Variants in STEEP1 observed in about 807,000 individuals in gnomAD.
STEEP1 encodes the protein STING ER exit protein.
In STEEP1, 3 loss-of-function variants were observed where a neutral mutation model predicts 19.2. That is an observed-to-expected ratio of 0.16 (90% CI 0.07 to 0.40). STEEP1 has a LOEUF of 0.40. Ranked by LOEUF, STEEP1 falls within the 10% of genes least tolerant of loss-of-function variation. The pLI is 0.99. For missense variants in STEEP1, 54 were observed against 177.1 expected, an observed-to-expected ratio of 0.30 and a Z score of 3.94; for synonymous variants, 46 against 63.7, an observed-to-expected ratio of 0.72 and a Z score of 1.32.
intron 2 of STEEP1, among the ~76,000 whole-genome samples, chrX:119,557,485 AAAAAAAAAAAGAAAAAAGAAAAAAG>A (rs2147357777): frequency 1.7e-5 from 1 of 59,369 alleles, no homozygotes; most frequent in Admixed American, 2.3e-4. Context: ...TCTCAAAAAA[AAAAAAAAAAAGAAAAAAGAAAAAAG>A]AAAAAAAAAT....
Position 119,541,698 on chromosome X carries a change from G to A in STEEP1, c.514-278C>T, listed in dbSNP as rs564538919. Among the ~76,000 whole-genome samples the A allele has an allele frequency of 1.9e-4, 21 of 111,835 alleles. No individual in the cohort carries two copies. In the Admixed American group the frequency reaches 2.0e-3, roughly 11 times the overall value. On this transcript the variant is annotated intron_variant, in intron 5 of 6. Transcript: ENST00000644802. ...TGGCTCACTGCAACCTCCACCTCCCGGGTTCAAGTGATTCTTCAGTAGCAT... is the reference window on the plus strand; with the variant it reads ...TGGCTCACTGCAACCTCCACCTCCCAGGTTCAAGTGATTCTTCAGTAGCAT...
At chrX:119,556,812 AG>A (rs1473642287) in intron 2 of STEEP1, among the ~76,000 whole-genome samples, 1 of 110,697 alleles carries the variant, frequency 9.0e-6, no homozygotes, top group Admixed American at 9.8e-5. Flanking sequence ...ATGCCATGTA[AG>A]GTGACAAGAA....
At chrX:119,562,533 CAA>C (rs143743500) in intron 1 of STEEP1, among the ~76,000 whole-genome samples, 1,262 of 71,459 alleles carry the variant, frequency 0.018, 24 homozygotes, top group African/African-American at 0.056. Context: ...AACTCCGTCT[CAA>C]AAAAAAAAAA....
intron 2 of STEEP1, among the ~76,000 whole-genome samples, chrX:119,550,914 C>G (rs1341370967): frequency 9.0e-6 from 1 of 111,053 alleles, no homozygotes; most frequent in African/African-American, 3.3e-5. Flanking sequence ...TCACCCACCT[C>G]GGCCTCCCAA....
chrX:119,542,760 A>T (rs1426248034), intron 4 of STEEP1, 166 bp from the exon 5 acceptor site: 5 of 332,458 alleles, frequency 1.5e-5, no homozygotes, highest in East Asian at 1.4e-4. Context: ...TTATTTACAT[A>T]TTTTTCTAAC....
At chrX:119,545,069 G>A (rs2053191975) in intron 3 of STEEP1, among the ~76,000 whole-genome samples, 1 of 110,974 alleles carries the variant, frequency 9.0e-6, no homozygotes, top group Non-Finnish European at 1.9e-5. Flanking sequence ...AAGACATAAT[G>A]GGGGTCGGAC....
At chrX:119,552,607 T>C (rs913294949) in intron 2 of STEEP1, among the ~76,000 whole-genome samples, 1 of 103,035 alleles carries the variant, frequency 9.7e-6, no homozygotes, top group Admixed American at 1.0e-4. Flanking sequence ...TCCCAAACCC[T>C]GTCCTCCTGG....
chrX:119,546,278 T>TAAAAATATA (rs2053204549), intron 2 of STEEP1, among the ~76,000 whole-genome samples: 1 of 108,855 alleles, frequency 9.2e-6, no homozygotes, highest in Non-Finnish European at 1.9e-5. Flanking sequence ...CCGTCTCTAC[T>TAAAAATATA]AAAAATATAA....
chrX:119,558,105 C>T (rs948035395), intron 2 of STEEP1, among the ~76,000 whole-genome samples: 2 of 110,516 alleles, frequency 1.8e-5, no homozygotes, highest in Admixed American at 9.7e-5. Context: ...GATGGGGTTT[C>T]ACTACGTTGG....
intron 1 of STEEP1, 112 bp downstream of exon 1, chrX:119,565,120 C>A: frequency 9.2e-7 from 1 of 1,089,002 alleles, no homozygotes; most frequent in South Asian, 2.5e-5. Flanking sequence ...AGAGAGAAAA[C>A]CCACCAATCT....
chrX:119,557,804 T>C lies in STEEP1; in HGVS notation c.242+2464A>G, dbSNP rs761121775. On this transcript the variant is annotated intron_variant, in intron 2 of 6. Transcript: ENST00000644802. Reference sequence around the variant, plus strand: ...CAAGGAAGGATTCTCCCCTACAATCTTGAGAGAGAGCATGGACTTACCAAT... The same window carrying C: ...CAAGGAAGGATTCTCCCCTACAATCCTGAGAGAGAGCATGGACTTACCAAT... 3.6e-5 allele frequency among the ~76,000 whole-genome samples: 4 copies of C among 112,001 alleles called. No homozygotes were observed. In the South Asian group the frequency reaches 1.1e-3, roughly 31 times the overall value.
chrX:119,561,571 G>A (rs1441346266), intron 1 of STEEP1, among the ~76,000 whole-genome samples: 1 of 110,294 alleles, frequency 9.1e-6, no homozygotes, highest in Non-Finnish European at 1.9e-5. Flanking sequence ...GGGAAGCTGA[G>A]GCAGGAGAAT....
At chrX:119,558,362 G>A (rs1173797600) in intron 2 of STEEP1, among the ~76,000 whole-genome samples, 2 of 110,251 alleles carry the variant, frequency 1.8e-5, no homozygotes, top group Non-Finnish European at 3.8e-5. Context: ...GTGAAACCCC[G>A]TCTCTACTAA....
At chrX:119,560,741 G>A (rs1400359201) in intron 1 of STEEP1, among the ~76,000 whole-genome samples, 2 of 111,485 alleles carry the variant, frequency 1.8e-5, no homozygotes, top group East Asian at 5.6e-4. Flanking sequence ...AGTACACTTG[G>A]TTTGTGTTAT....
rs370331653 is a variant in STEEP1 at position 119,549,539 on chromosome X, G to C, written c.243-4035C>G. Among the ~76,000 whole-genome samples the C allele has an allele frequency of 3.0e-4, 33 of 111,847 alleles. No individual in the cohort carries two copies. In the East Asian group the frequency reaches 9.2e-3, roughly 31 times the overall value. ...GGGCATCTCTGAAAAACCCCCATCT[G>C]TTTACCCACGTCTTAGTGCATTTTC... On this transcript the variant is annotated intron_variant, in intron 2 of 6. Transcript: ENST00000644802.
chrX:119,561,845 T>C (rs1156392956), intron 1 of STEEP1, among the ~76,000 whole-genome samples: 3 of 110,944 alleles, frequency 2.7e-5, no homozygotes, highest in African/African-American at 9.9e-5. Context: ...TCACAATGAA[T>C]GGTTAAAGTA....
At position 119,546,478 on chromosome X, in the gene STEEP1, T is replaced by G. The variant is rs149007569; in HGVS notation, c.243-974A>C. ...AAAAAGTATACATGTATTAACTCAT[T>G]TAATCCTTACAACAACTCTGTGAGG... On this transcript the variant is annotated intron_variant, in intron 2 of 6. Coordinates refer to ENST00000644802, the MANE Select transcript of STEEP1 (RefSeq NM_022101.4). Among the ~76,000 whole-genome samples the G allele has an allele frequency of 1.4e-4, 15 of 109,498 alleles. No individual in the cohort carries two copies. In the East Asian group the frequency reaches 4.0e-3, roughly 29 times the overall value.
chrX:119,556,955 C>T (rs2053282892), intron 2 of STEEP1, among the ~76,000 whole-genome samples: 1 of 108,428 alleles, frequency 9.2e-6, no homozygotes, highest in Admixed American at 1.0e-4. Flanking sequence ...GAAGGAGGCT[C>T]ACAAGAGCAG....
intron 4 of STEEP1, 69 bp from the exon 5 acceptor site, chrX:119,542,663 C>T (rs752533198): frequency 7.2e-4 from 532 of 734,713 alleles, no homozygotes; most frequent in Non-Finnish European, 1.1e-3. Flanking sequence ...TGAGTGTGTG[C>T]GCACACGCCT....
Sources: allele counts gnomAD v4.1 joint callset (sites outside exome capture counted in the v4.1 genomes callset), GRCh38; gene constraint gnomAD v4.1.1; transcripts MANE v1.5; gene names NCBI Gene and HGNC (gene_info 2026-07-23, HGNC 2026-07-21).